POT1: variants seen among roughly 807,000 people sequenced by gnomAD.
POT1 encodes protection of telomeres protein 1.
POT1 carries 47 observed loss-of-function variants against 78.5 expected under a neutral mutation model. The ratio of observed to expected loss-of-function variants is 0.60; its 90% confidence interval spans 0.47 to 0.76. POT1 has a LOEUF of 0.76. Among genes scored for constraint, POT1 ranks in the 30% least tolerant of loss-of-function variants. POT1 has a pLI of 0.00. For missense variants in POT1, 646 were observed against 749.9 expected (o/e 0.86, Z 1.62); for synonymous variants, 259 against 260.7 (o/e 0.99, Z 0.06).
intron 2 of POT1, among the ~76,000 whole-genome samples, chr7:124,917,252 T>C (rs1029908814): frequency 6.6e-6 from 1 of 152,088 alleles, no homozygotes; most frequent in Non-Finnish European, 1.5e-5. Flanking sequence ...GGTCTACTAC[T>C]GGAAGAGAAG....
chr7:124,845,823 A>G (rs923429704), intron 12 of POT1, among the ~76,000 whole-genome samples: 20 of 152,072 alleles, frequency 1.3e-4, no homozygotes, highest in Middle Eastern at 3.4e-3. Flanking sequence ...CATCATCAAC[A>G]TGGGCTCATG....
intron 3 of POT1, among the ~76,000 whole-genome samples, chr7:124,911,300 CCTAT>C (rs996898999): frequency 3.3e-5 from 5 of 152,092 alleles, no homozygotes; most frequent in Admixed American, 2.0e-4. Context: ...GCAATTAATT[CCTAT>C]CTGACATCGC....
At chr7:124,885,293 C>CAAAAAAAAA (rs11372618) in intron 6 of POT1, among the ~76,000 whole-genome samples, 1 of 63,250 alleles carries the variant, frequency 1.6e-5, no homozygotes. Flanking sequence ...TCCATCTCTC[C>CAAAAAAAAA]AAAAAAAAAA....
At position 124,823,830 on chromosome 7, in the gene POT1, A is replaced by G; in HGVS notation, c.*132T>C. On this transcript the variant is annotated 3_prime_UTR_variant, in exon 19 of 19. Transcript: ENST00000357628. Reference sequence around the variant, plus strand: ...CAGTAAAAGCCAAGAGATTTAAGGTAAGGACATTTTCTAATCCCATACCCA... The same window carrying G: ...CAGTAAAAGCCAAGAGATTTAAGGTGAGGACATTTTCTAATCCCATACCCA... 1 of 645,114 alleles carries G rather than the reference A, an allele frequency of 1.6e-6. No homozygotes were observed. Among genetic ancestry groups the G allele is most frequent in the Non-Finnish European group, 2.8e-6 (1 of 362,082 alleles). The allele number at this position is 645,114 out of a possible 1,614,324, so 40.0% of individuals were successfully genotyped here.
At chr7:124,840,822 C>A in intron 14 of POT1, 151 bp downstream of exon 14, 3 of 536,628 alleles carry the variant, frequency 5.6e-6, no homozygotes, top group Non-Finnish European at 6.4e-6. Flanking sequence ...ATATTTGAAC[C>A]TAGTTAACAT....
chr7:124,837,191 G>C (rs1328676733), intron 14 of POT1: 1 of 301,772 alleles, frequency 3.3e-6, no homozygotes, highest in East Asian at 1.1e-4. Flanking sequence ...TGTTTACAAA[G>C]GGGATATATC....
chr7:124,881,260 G>A (rs1025875759), intron 6 of POT1, among the ~76,000 whole-genome samples: 1 of 151,840 alleles, frequency 6.6e-6, no homozygotes, highest in Non-Finnish European at 1.5e-5. Flanking sequence ...TAACTGATCT[G>A]TTATGCCAAT....
chr7:124,888,000 A>C (rs559374031), intron 6 of POT1, among the ~76,000 whole-genome samples: 7 of 152,038 alleles, frequency 4.6e-5, no homozygotes, highest in Non-Finnish European at 1.0e-4. Context: ...ATATATATAC[A>C]CCTCTGTATC....
At chr7:124,885,293 CAAAAAAAAAAAA>C (rs11372618) in intron 6 of POT1, among the ~76,000 whole-genome samples, 14 of 63,252 alleles carry the variant, frequency 2.2e-4, no homozygotes, top group Non-Finnish European at 3.4e-4. Context: ...TCCATCTCTC[CAAAAAAAAAAAA>C]AAAAAAAAAG....
intron 11 of POT1, among the ~76,000 whole-genome samples, chr7:124,847,981 T>C (rs722560): frequency 0.2 from 30,906 of 152,064 alleles, 3,845 homozygotes; most frequent in East Asian, 0.3. Flanking sequence ...TCATAACAAC[T>C]AGAAATTCCT....
intron 18 of POT1, 98 bp downstream of exon 18, chr7:124,825,154 A>G: frequency 3.0e-6 from 2 of 667,728 alleles, no homozygotes; most frequent in Admixed American, 6.2e-5. Flanking sequence ...ATCATTTGGA[A>G]GCAAAGCTTT....
chr7:124,837,130 T>C, intron 14 of POT1: 1 of 237,716 alleles, frequency 4.2e-6, no homozygotes, highest in South Asian at 4.5e-5. Context: ...ATTTATTAAG[T>C]CTTTAACCTT....
intron 8 of POT1, among the ~76,000 whole-genome samples, chr7:124,862,088 C>A (rs1375144486): frequency 6.6e-6 from 1 of 152,078 alleles, no homozygotes; most frequent in African/African-American, 2.4e-5. Context: ...GCTATATGGG[C>A]TCTTTTTTGA....
At chr7:124,851,042 G>T (rs1795294734) in intron 11 of POT1, among the ~76,000 whole-genome samples, 2 of 152,058 alleles carry the variant, frequency 1.3e-5, no homozygotes, top group Non-Finnish European at 2.9e-5. Flanking sequence ...AAGGCAGGAG[G>T]ATTGCTTGAG....
chr7:124,879,803 C>T (rs1279917529), intron 6 of POT1, among the ~76,000 whole-genome samples: 2 of 152,048 alleles, frequency 1.3e-5, no homozygotes, highest in Non-Finnish European at 2.9e-5. Context: ...TTGTACTTCA[C>T]CTATGTAAAA....
At chr7:124,833,229 G>C (rs926815642) in intron 15 of POT1, among the ~76,000 whole-genome samples, 10 of 152,124 alleles carry the variant, frequency 6.6e-5, no homozygotes, top group Admixed American at 1.3e-4. Flanking sequence ...ATACACTTTC[G>C]CTTTATGGCT....
At chr7:124,895,830 G>A (rs898999905) in intron 5 of POT1, among the ~76,000 whole-genome samples, 1 of 151,588 alleles carries the variant, frequency 6.6e-6, no homozygotes, top group Non-Finnish European at 1.5e-5. Context: ...TGGCTGGAGT[G>A]TACTGGTCAA....
chr7:124,863,339 A>G lies in POT1; in HGVS notation c.546+11T>C, dbSNP rs769687451. On this transcript the variant is annotated intron_variant, in intron 8 of 18. Transcript: ENST00000357628. ...GCTAACTTATAATTCCCAGTATTAA[A>G]AAATATGTACCTTTAGAAGAAATGA... 1 of 1,602,638 alleles carries G rather than the reference A, an allele frequency of 6.2e-7. No individual in the cohort carries two copies.
chr7:124,839,679 T>A (rs1461537038), intron 14 of POT1, among the ~76,000 whole-genome samples: 1 of 152,184 alleles, frequency 6.6e-6, no homozygotes, highest in Non-Finnish European at 1.5e-5. Flanking sequence ...ACATTCTCAT[T>A]ATTTTTTTAA....
Sources: allele counts gnomAD v4.1 joint callset (sites outside exome capture counted in the v4.1 genomes callset), GRCh38; gene constraint gnomAD v4.1.1; transcripts MANE v1.5; gene names NCBI Gene and HGNC (gene_info 2026-07-23, HGNC 2026-07-21).